Variants in ELAVL4 observed in about 807,000 individuals in gnomAD.
ELAVL4 encodes ELAV like RNA binding protein 4.
A neutral mutation model predicts 35.6 loss-of-function variants in ELAVL4; 1 was observed. That is an observed-to-expected ratio of 0.03 (90% CI 0.01 to 0.13). ELAVL4 has a LOEUF of 0.13. Among genes scored for constraint, ELAVL4 ranks in the 10% least tolerant of loss-of-function variants. The pLI is 1.00. For missense variants in ELAVL4, 267 were observed against 464.9 expected (o/e 0.57, Z 3.91); for synonymous variants, 156 against 171.0 (o/e 0.91, Z 0.69).
chr1:50,062,308 AC>A (rs1020642912), intron 1 of ELAVL4, among the ~76,000 whole-genome samples: 2 of 151,912 alleles, frequency 1.3e-5, no homozygotes, highest in African/African-American at 4.8e-5. Flanking sequence ...CAGAGGAGGG[AC>A]CTAATTTGTG....
At chr1:50,072,990 T>A (rs770705475) in intron 1 of ELAVL4, among the ~76,000 whole-genome samples, 4 of 152,224 alleles carry the variant, frequency 2.6e-5, no homozygotes, top group African/African-American at 4.8e-5. Flanking sequence ...TCCCCATCTA[T>A]ACCCAGTTTC....
rs1644410452 is a variant in ELAVL4 at position 50,201,942 on chromosome 1, A to G, written c.*764A>G. On this transcript the variant is annotated 3_prime_UTR_variant, in exon 7 of 7. Coordinates refer to ENST00000371824, the MANE Select transcript of ELAVL4 (RefSeq NM_001144774.3). This position sits in a 1 kb window ranked among gnomAD's most constrained non-coding sequence, Gnocchi z 4.3. Reference sequence around the variant, plus strand: ...TTATAAAATATAAAGAATTTTTACAAGAGAATCTGGATTTGAGAAAAAAAT... The same window carrying G: ...TTATAAAATATAAAGAATTTTTACAGGAGAATCTGGATTTGAGAAAAAAAT... 1 of 152,158 alleles carries G rather than the reference A, an allele frequency of 6.6e-6. No homozygotes were observed. Among genetic ancestry groups the G allele is most frequent in the Admixed American group, 6.5e-5 (1 of 15,276 alleles). 9.4% of individuals were successfully genotyped at this position (152,158 alleles called of 1,614,324 possible). A position where few individuals can be genotyped will look rare whatever the true frequency, so the allele number is the denominator to read the frequency against.
intron 5 of ELAVL4, among the ~76,000 whole-genome samples, chr1:50,196,409 A>C (rs947295263): frequency 6.6e-6 from 1 of 152,194 alleles, no homozygotes; most frequent in African/African-American, 2.4e-5. Flanking sequence ...CTTTTCTAAA[A>C]GACAGGTTTC....
intron 1 of ELAVL4, among the ~76,000 whole-genome samples, chr1:50,078,044 G>A (rs1338506321): frequency 1.3e-5 from 2 of 151,940 alleles, no homozygotes; most frequent in African/African-American, 2.4e-5. Context: ...CCTCTTCTCT[G>A]AAATGGGATA....
intron 1 of ELAVL4, among the ~76,000 whole-genome samples, chr1:50,094,854 C>T (rs779546337): frequency 6.6e-6 from 1 of 151,984 alleles, no homozygotes; most frequent in East Asian, 1.9e-4. Context: ...CTCCTGAACC[C>T]GGGAGGCAGA....
chr1:50,163,889 G>A (rs1677257150), intron 2 of ELAVL4, among the ~76,000 whole-genome samples: 2 of 152,120 alleles, frequency 1.3e-5, no homozygotes, highest in Non-Finnish European at 2.9e-5. Context: ...CTATGCTAAT[G>A]TCAGGTATTT....
upstream of ELAVL4, among the ~76,000 whole-genome samples, chr1:50,100,560 C>G (rs74631838): frequency 0.028 from 4,232 of 152,272 alleles, 167 homozygotes; most frequent in African/African-American, 0.096. Flanking sequence ...CACTCCAGAT[C>G]TCATCCTCAT....
rs533905833 is a variant in ELAVL4 at position 50,188,811 on chromosome 1, T to C, written c.355-4954T>C. 1.1e-4 allele frequency among the ~76,000 whole-genome samples: 16 copies of C among 152,302 alleles called. No homozygotes were observed. The East Asian group carries it at 2.1e-3, about 20-fold the overall frequency. On this transcript the variant is annotated intron_variant, in intron 3 of 6. Coordinates refer to ENST00000371824, the MANE Select transcript of ELAVL4 (RefSeq NM_001144774.3). ...ATTCAGAGGAGTCACTTCTTTTCCC[T>C]GGGGAAGAGTGGATGAAGGGATAGC...
intron 1 of ELAVL4, among the ~76,000 whole-genome samples, chr1:50,077,023 T>TTCTCTCTC (rs146497523): frequency 2.3e-4 from 34 of 146,990 alleles, no homozygotes; most frequent in African/African-American, 8.0e-4. Context: ...AATGGGATGT[T>TTCTCTCTC]TCTCTCTCTC....
chr1:50,134,544 A>G (rs1288642976), intron 1 of ELAVL4, among the ~76,000 whole-genome samples: 3 of 152,110 alleles, frequency 2.0e-5, no homozygotes, highest in African/African-American at 4.8e-5. Flanking sequence ...TTGTTTTCCA[A>G]TCGATTTTCT....
chr1:50,070,740 CA>C (rs34633476), intron 1 of ELAVL4, among the ~76,000 whole-genome samples: 33,439 of 76,982 alleles, frequency 0.43, 3,481 homozygotes, highest in East Asian at 0.7. Context: ...GACTCCATCT[CA>C]AAAAAAAAAA....
chr1:50,090,207 A>G (rs147703345), intron 1 of ELAVL4, among the ~76,000 whole-genome samples: 3 of 152,320 alleles, frequency 2.0e-5, no homozygotes, highest in South Asian at 2.1e-4. Context: ...TAGTGATTTT[A>G]TCTATCTCAA....
rs965801135 is a variant in ELAVL4, at chr1:50,110,067, C to T, written c.9+869C>T. On this transcript the variant is annotated intron_variant, in intron 1 of 6. Coordinates refer to ENST00000371824, the MANE Select transcript of ELAVL4 (RefSeq NM_001144774.3). Reference sequence around the variant, plus strand: ...TGTGTAAGGATGCTGGACTGTGCATCGTAAATCACTGTGCTGATCGTTTGT... The same window carrying T: ...TGTGTAAGGATGCTGGACTGTGCATTGTAAATCACTGTGCTGATCGTTTGT... The T allele has an allele frequency of 2.5e-5, 35 of 1,410,876 alleles. 1 individual carries two copies. In the Middle Eastern group the frequency reaches 9.3e-4, roughly 37 times the overall value. 87.4% of individuals were successfully genotyped at this position (1,410,876 alleles called of 1,614,324 possible).
chr1:50,118,508 GA>G (rs1668341815), intron 1 of ELAVL4, among the ~76,000 whole-genome samples: 3 of 151,832 alleles, frequency 2.0e-5, no homozygotes, highest in African/African-American at 7.3e-5. Context: ...AAAAAAGAGA[GA>G]GAGAGAAAAG....
intron 2 of ELAVL4, among the ~76,000 whole-genome samples, chr1:50,158,820 C>G (rs1676217827): frequency 2.0e-5 from 3 of 152,124 alleles, no homozygotes; most frequent in Non-Finnish European, 4.4e-5. Context: ...GCGGGTGGAT[C>G]ACGAGGTCAG....
At chr1:50,093,074 T>C (rs575819333) in intron 1 of ELAVL4, among the ~76,000 whole-genome samples, 5 of 152,356 alleles carry the variant, frequency 3.3e-5, no homozygotes, top group African/African-American at 1.2e-4. Flanking sequence ...AAATATTTGC[T>C]GAATGAATTT....
chr1:50,200,965 G>C lies in ELAVL4; in HGVS notation c.888G>C (p.Glu296Asp). ...ACAACCTGTCCCCCGATTCCGATGA[G>C]AGTGTCCTCTGGCAGCTCTTTGGCC... is the stretch of plus-strand genomic sequence containing the variant. The part of the protein sequence containing the change: ...FVYNLSPDSD[E>D]SVLWQLFGPF... Residue 296 changes from glutamate to aspartate, a missense_variant, in exon 7 of 7, where the codon GAG becomes GAC. By Grantham distance (45) the Glu-to-Asp change is conservative (BLOSUM62 2). Around this residue, in one of 2 missense-constraint regions of ELAVL4, gnomAD observed 216 missense variants for 409.5 expected, o/e 0.53. Coordinates refer to ENST00000371824, the MANE Select transcript of ELAVL4 (RefSeq NM_001144774.3). The C allele has an allele frequency of 6.2e-7, 1 of 1,614,104 alleles. No individual in the cohort carries two copies. The highest frequency in any genetic ancestry group is 8.5e-7 in the Non-Finnish European group (1 of 1,179,992).
intron 1 of ELAVL4, among the ~76,000 whole-genome samples, chr1:50,087,666 TA>T (rs1221786327): frequency 2.6e-5 from 4 of 152,242 alleles, no homozygotes; most frequent in East Asian, 3.9e-4. Flanking sequence ...ATAAGGCTTC[TA>T]GGGGGTAATT....
intron 1 of ELAVL4, among the ~76,000 whole-genome samples, chr1:50,119,500 A>C (rs1181323830): frequency 6.6e-6 from 1 of 152,070 alleles, no homozygotes; most frequent in Non-Finnish European, 1.5e-5. Context: ...AAATTCATCC[A>C]TATTTAGGTC....
Sources: allele counts gnomAD v4.1 joint callset (sites outside exome capture counted in the v4.1 genomes callset), GRCh38; gene constraint gnomAD v4.1.1; regional missense constraint gnomAD v4.1.1; non-coding constraint Gnocchi (gnomAD v3.1); transcripts MANE v1.5; gene names NCBI Gene and HGNC (gene_info 2026-07-23, HGNC 2026-07-21).